ANO6: variants seen among roughly 807,000 people sequenced by gnomAD.
ANO6 encodes anoctamin 6.
Under a neutral mutation model 117.5 loss-of-function variants are expected in ANO6, and 106 were observed. That is an observed-to-expected ratio of 0.90 (90% CI 0.77 to 1.06). ANO6 has a LOEUF of 1.06. ANO6 is among the 50% of genes least tolerant of loss of function. The pLI, the probability that ANO6 is intolerant of heterozygous loss-of-function variation, is 0.00. For synonymous variants in ANO6, 367 were observed against 385.1 expected (o/e 0.95, Z 0.55); for missense variants, 955 against 1,121.1 (o/e 0.85, Z 2.12).
intron 1 of ANO6, among the ~76,000 whole-genome samples, chr12:45,271,694 T>C (rs893094865): frequency 6.6e-6 from 1 of 152,238 alleles, no homozygotes; most frequent in African/African-American, 2.4e-5. Flanking sequence ...ACCAGAGACT[T>C]TTCTGTAAAA....
intron 19 of ANO6, among the ~76,000 whole-genome samples, chr12:45,424,328 T>G (rs889571057): frequency 2.4e-4 from 7 of 29,234 alleles, no homozygotes; most frequent in African/African-American, 6.0e-4. Flanking sequence ...AGGTGATGGG[T>G]TTTTTTTTTT....
intron 1 of ANO6, among the ~76,000 whole-genome samples, chr12:45,291,980 T>C (rs1173123705): frequency 6.6e-6 from 1 of 152,104 alleles, no homozygotes; most frequent in African/African-American, 2.4e-5. Flanking sequence ...CCCAAAAGAA[T>C]TGAAAACAGG....
At chr12:45,328,055 T>G (rs1940531745) in intron 2 of ANO6, among the ~76,000 whole-genome samples, 1 of 152,084 alleles carries the variant, frequency 6.6e-6, no homozygotes, top group Non-Finnish European at 1.5e-5. Flanking sequence ...AGGGATGTTC[T>G]TGGAACATCC....
chr12:45,218,835 A>G (rs543085117), intron 1 of ANO6, among the ~76,000 whole-genome samples: 6 of 152,324 alleles, frequency 3.9e-5, no homozygotes, highest in Middle Eastern at 6.8e-3. Context: ...TATTTCTCCT[A>G]GTACTTGATT....
intron 12 of ANO6, 44 bp downstream of exon 12, chr12:45,390,542 T>C: frequency 6.5e-7 from 1 of 1,542,008 alleles, no homozygotes; most frequent in Non-Finnish European, 9.0e-7. Flanking sequence ...AAAATGTTTT[T>C]ATTATGTAAC....
At chr12:45,292,735 AAAC>A (rs1290567216) in intron 1 of ANO6, 7 of 1,408,894 alleles carry the variant, frequency 5.0e-6, no homozygotes, top group Non-Finnish European at 5.6e-6. Context: ...AGCAGAGCTG[AAAC>A]AACACCAAAC....
chr12:45,431,562 G>C lies in ANO6; in HGVS notation c.*2251G>C, dbSNP rs554543328. The C allele has an allele frequency of 1.6e-4, 157 of 985,418 alleles. No homozygotes were observed. In the South Asian group the frequency reaches 6.3e-3, roughly 40 times the overall value. The allele number at this position is 985,418 out of a possible 1,614,324, so 61.0% of individuals were successfully genotyped here. A position where few individuals can be genotyped will look rare whatever the true frequency, so the allele number is the denominator to read the frequency against. ...AAAAAAACCCTCTACATATTGAAAGGCACCAAATGTAATATCTGACACTGT... is the reference window on the plus strand; with the variant it reads ...AAAAAAACCCTCTACATATTGAAAGCCACCAAATGTAATATCTGACACTGT... On this transcript the variant is annotated 3_prime_UTR_variant, in exon 20 of 20. Coordinates refer to ENST00000320560, the MANE Select transcript of ANO6 (RefSeq NM_001025356.3).
intron 12 of ANO6, among the ~76,000 whole-genome samples, chr12:45,397,422 T>G (rs1029491894): frequency 1.3e-5 from 2 of 152,098 alleles, no homozygotes; most frequent in African/African-American, 4.8e-5. Context: ...TGGAAGACTG[T>G]GTGGAGATTC....
At chr12:45,317,113 G>GTGTGTGTGTGTGTATATATA in intron 2 of ANO6, among the ~76,000 whole-genome samples, 3 of 66,446 alleles carry the variant, frequency 4.5e-5, no homozygotes, top group African/African-American at 1.2e-4. Flanking sequence ...CTTTTTATAT[G>GTGTGTGTGTGTGTATATATA]TATATATATA....
intron 1 of ANO6, among the ~76,000 whole-genome samples, chr12:45,264,810 CTAAATA>C (rs921492594): frequency 1.3e-5 from 2 of 152,150 alleles, no homozygotes; most frequent in African/African-American, 4.8e-5. Context: ...TATCATGACA[CTAAATA>C]TAAGACCTTG....
At position 45,397,465 on chromosome 12, in the gene ANO6, C is replaced by T. The variant is rs186151039; in HGVS notation, c.1387-4330C>T. Among the ~76,000 whole-genome samples, 11 of 152,256 alleles carry T rather than the reference C, an allele frequency of 7.2e-5. 1 individual carries two copies. The East Asian group carries it at 2.1e-3, about 29-fold the overall frequency. On this transcript the variant is annotated intron_variant, in intron 12 of 19. Transcript: ENST00000320560. ...ATGTAGAACTAGAAATACCATTTGA[C>T]CCAGCAATCCCATTACTGGGTATAT...
At chr12:45,248,449 G>GT (rs1481880547) in intron 1 of ANO6, among the ~76,000 whole-genome samples, 1 of 127,478 alleles carries the variant, frequency 7.8e-6, no homozygotes, top group African/African-American at 3.4e-5. Context: ...TTTTTTTTTG[G>GT]TGGGGACAGA....
intron 1 of ANO6, among the ~76,000 whole-genome samples, chr12:45,253,144 A>G (rs1446123858): frequency 6.6e-6 from 1 of 152,238 alleles, no homozygotes; most frequent in Non-Finnish European, 1.5e-5. Flanking sequence ...TATCATGATC[A>G]TTGCAGGGAG....
chr12:45,402,168 G>A (rs1303092882), intron 13 of ANO6, 148 bp downstream of exon 13: 1 of 675,064 alleles, frequency 1.5e-6, no homozygotes. Flanking sequence ...TAGCATGTAT[G>A]GAAATAAATT....
At chr12:45,356,098 T>C (rs1310726546) in intron 7 of ANO6, among the ~76,000 whole-genome samples, 1 of 152,204 alleles carries the variant, frequency 6.6e-6, no homozygotes, top group Non-Finnish European at 1.5e-5. Context: ...AGGAACAATT[T>C]TGGCACTGCT....
intron 8 of ANO6, among the ~76,000 whole-genome samples, chr12:45,360,281 T>G (rs1941521672): frequency 6.6e-6 from 1 of 152,224 alleles, no homozygotes; most frequent in Non-Finnish European, 1.5e-5. Context: ...CAAGATCAAG[T>G]TGCCGACATT....
intron 9 of ANO6, among the ~76,000 whole-genome samples, chr12:45,369,480 C>T (rs1010308101): frequency 6.6e-6 from 1 of 151,616 alleles, no homozygotes; most frequent in Non-Finnish European, 1.5e-5. Flanking sequence ...TTCAAATATA[C>T]CCCTGTGTGC....
chr12:45,278,834 A>G (rs1938633499), intron 1 of ANO6, among the ~76,000 whole-genome samples: 1 of 152,144 alleles, frequency 6.6e-6, no homozygotes, highest in Non-Finnish European at 1.5e-5. Context: ...GCATTTGGCA[A>G]TTATGCACTT....
At chr12:45,405,095 C>CT (rs879299555) in intron 15 of ANO6, among the ~76,000 whole-genome samples, 119 of 143,008 alleles carry the variant, frequency 8.3e-4, no homozygotes, top group Middle Eastern at 3.7e-3. Context: ...CTGTGAAATT[C>CT]TTTTTTTTTT....
Sources: gnomAD v4.1 joint callset for allele counts (sites outside exome capture counted in the v4.1 genomes callset) on GRCh38, gnomAD v4.1.1 for gene constraint, MANE v1.5 for transcripts, NCBI Gene and HGNC (gene_info 2026-07-23, HGNC 2026-07-21) for gene names.